Variants in PRKAG2 observed in about 807,000 individuals in gnomAD.
PRKAG2 encodes protein kinase AMP-activated non-catalytic subunit gamma 2, also known as 5'-AMP-activated protein kinase subunit gamma-2.
Under a neutral mutation model 69.6 loss-of-function variants are expected in PRKAG2, and 26 were observed. The observed-to-expected ratio is 0.37, with a 90% CI of 0.27 to 0.52. PRKAG2 has a LOEUF of 0.52. Ranked by LOEUF, PRKAG2 falls within the 20% of genes least tolerant of loss-of-function variation. The probability of loss-of-function intolerance (pLI) is 0.90; values close to 1 mark genes in which losing one functional copy is unlikely to be tolerated. For missense variants in PRKAG2, 557 were observed against 740.0 expected (o/e 0.75, Z 2.87); for synonymous variants, 293 against 285.0 (o/e 1.03, Z -0.28).
At chr7:151,725,648 C>CA in intron 3 of PRKAG2, among the ~76,000 whole-genome samples, 1 of 151,748 alleles carries the variant, frequency 6.6e-6, no homozygotes. Flanking sequence ...AAAACCTAGG[C>CA]AAAAATACAA....
Position 151,595,426 on chromosome 7 carries a change from G to A in PRKAG2, c.783C>T (p.Tyr261=). ...ACTTGTGTGACCTCATGAATCGCAT[G>A]TAAACACCACTTTCTGAGTCTTCTA... is the stretch of plus-strand genomic sequence containing the variant. ...EAVEDSESGV[Y]MRFMRSHKCY... The change falls in exon 6 of 16, where the codon TAC becomes TAT. Residue 261 remains tyrosine, a synonymous_variant. Coordinates refer to ENST00000287878, the MANE Select transcript of PRKAG2 (RefSeq NM_016203.4). The A allele has an allele frequency of 6.2e-7, 1 of 1,613,862 alleles. No homozygotes were observed.
intron 1 of PRKAG2, among the ~76,000 whole-genome samples, chr7:151,796,605 T>C (rs964784514): frequency 1.3e-5 from 2 of 152,166 alleles, no homozygotes; most frequent in African/African-American, 4.8e-5. Flanking sequence ...GTCCTGTCAC[T>C]GAGGGCCTGT....
chr7:151,682,853 G>GA (rs1182021666), intron 3 of PRKAG2, among the ~76,000 whole-genome samples: 3 of 152,166 alleles, frequency 2.0e-5, no homozygotes, highest in African/African-American at 4.8e-5. Context: ...GAAACCCCAG[G>GA]AAAGAGCTGG....
rs1322251799 is a variant in PRKAG2 at position 151,809,119 on chromosome 7, C to A, written c.115-22578G>T. ...GGGAAGGGGTGGTGGCAGATGCCTG[C>A]AGCTGGCTCCCAGCCAGGTTTGGCC... On this transcript the variant is annotated intron_variant, in intron 1 of 15. Coordinates refer to ENST00000287878, the MANE Select transcript of PRKAG2 (RefSeq NM_016203.4). 3 of 412,730 alleles carry A rather than the reference C, an allele frequency of 7.3e-6. No individual in the cohort carries two copies. In the East Asian group the frequency reaches 2.2e-4, roughly 30 times the overall value. 25.6% of individuals were successfully genotyped at this position (412,730 alleles called of 1,614,324 possible).
chr7:151,732,169 G>T (rs1186132367), intron 3 of PRKAG2, among the ~76,000 whole-genome samples: 1 of 129,278 alleles, frequency 7.7e-6, no homozygotes, highest in Non-Finnish European at 1.6e-5. Flanking sequence ...ACAGGGTCTA[G>T]TTCTGTCACC....
At chr7:151,817,308 A>G (rs2078669285) in intron 1 of PRKAG2, among the ~76,000 whole-genome samples, 2 of 152,206 alleles carry the variant, frequency 1.3e-5, no homozygotes, top group Non-Finnish European at 2.9e-5. Context: ...GCCTTCCTGA[A>G]GCACATCCCC....
chr7:151,760,823 G>A (rs146516269), intron 3 of PRKAG2, among the ~76,000 whole-genome samples: 2,058 of 152,302 alleles, frequency 0.014, 29 homozygotes, highest in Non-Finnish European at 0.019. Context: ...AAGATTCCAG[G>A]CTAGCTCTGC....
intron 3 of PRKAG2, among the ~76,000 whole-genome samples, chr7:151,712,179 C>T (rs888878712): frequency 5.3e-5 from 8 of 152,242 alleles, no homozygotes; most frequent in East Asian, 1.9e-4. Context: ...CCCACCCTCA[C>T]GTGCCCTCCT....
In PRKAG2 at chr7:151,567,673, A is replaced by G. The variant is rs1806574209; in HGVS notation, c.1233+1043T>C. Among the ~76,000 whole-genome samples the G allele has an allele frequency of 6.6e-6, 1 of 152,178 alleles. No individual in the cohort carries two copies. The highest frequency in any genetic ancestry group is 2.1e-4 in the South Asian group (1 of 4,824). ...AAACTTCAGACTTGAGTTTTTTTGTAAATTACTCTTCCCTACCTTCTTTCT... is the reference window on the plus strand; with the variant it reads ...AAACTTCAGACTTGAGTTTTTTTGTGAATTACTCTTCCCTACCTTCTTTCT... On this transcript the variant is annotated intron_variant, in intron 11 of 15. Coordinates refer to ENST00000287878, the MANE Select transcript of PRKAG2 (RefSeq NM_016203.4). The surrounding 1 kb of genome is among the most constrained non-coding windows in gnomAD (Gnocchi z 4.2).
At chr7:151,866,003 G>C (rs1397683117) in intron 1 of PRKAG2, among the ~76,000 whole-genome samples, 1 of 137,634 alleles carries the variant, frequency 7.3e-6, no homozygotes, top group Non-Finnish European at 1.5e-5. Flanking sequence ...TTGGGTGACA[G>C]AGCAAGACTC....
intron 12 of PRKAG2, 139 bp from the exon 13 acceptor site, chr7:151,565,522 T>C (rs1030728886): frequency 1.8e-5 from 18 of 994,076 alleles, no homozygotes; most frequent in Admixed American, 8.2e-5. Flanking sequence ...AACTTAGATA[T>C]GAAATCATAT....
chr7:151,865,982 T>C (rs557685287), intron 1 of PRKAG2, among the ~76,000 whole-genome samples: 1 of 142,054 alleles, frequency 7.0e-6, no homozygotes, highest in Non-Finnish European at 1.5e-5. Context: ...ATCGCACCAC[T>C]GCACTCCAGC....
intron 4 of PRKAG2, among the ~76,000 whole-genome samples, chr7:151,649,704 T>G (rs1828145781): frequency 6.6e-6 from 1 of 152,168 alleles, no homozygotes; most frequent in Non-Finnish European, 1.5e-5. Flanking sequence ...GTGCCTCCCC[T>G]CCTTCTTGCT....
chr7:151,649,741 C>T (rs540040453), intron 4 of PRKAG2, among the ~76,000 whole-genome samples: 28 of 152,132 alleles, frequency 1.8e-4, no homozygotes, highest in African/African-American at 9.7e-5. Flanking sequence ...GAGGTATGTG[C>T]GGCCCCTTCA....
intron 3 of PRKAG2, among the ~76,000 whole-genome samples, chr7:151,688,290 C>A (rs1835085983): frequency 6.6e-6 from 1 of 152,192 alleles, no homozygotes; most frequent in Non-Finnish European, 1.5e-5. Flanking sequence ...GTTCTTAGGT[C>A]AGGACTAGAG....
intron 3 of PRKAG2, among the ~76,000 whole-genome samples, chr7:151,772,135 T>C (rs1386885629): frequency 2.0e-5 from 3 of 151,706 alleles, no homozygotes; most frequent in East Asian, 3.9e-4. Context: ...TGCAAGGAGA[T>C]TGCTACTACT....
chr7:151,786,773 A>G (rs368860530), intron 1 of PRKAG2, among the ~76,000 whole-genome samples: 7 of 152,338 alleles, frequency 4.6e-5, no homozygotes, highest in South Asian at 4.1e-4. Context: ...TGACCTCCCA[A>G]CACCCCAGGG....
At chr7:151,805,459 A>G (rs773484740) in intron 1 of PRKAG2, among the ~76,000 whole-genome samples, 1 of 152,218 alleles carries the variant, frequency 6.6e-6, no homozygotes. Flanking sequence ...AATCCATGAA[A>G]GATGATTTCA....
chr7:151,622,730 G>A (rs1821835805), intron 5 of PRKAG2, among the ~76,000 whole-genome samples: 1 of 152,150 alleles, frequency 6.6e-6, no homozygotes, highest in Non-Finnish European at 1.5e-5. Context: ...ACATCCAATC[G>A]CAAAAGCTGC....
Sources: allele counts gnomAD v4.1 joint callset (sites outside exome capture counted in the v4.1 genomes callset), GRCh38; gene constraint gnomAD v4.1.1; non-coding constraint Gnocchi (gnomAD v3.1); transcripts MANE v1.5; gene names NCBI Gene and HGNC (gene_info 2026-07-23, HGNC 2026-07-21).